The following KDM2A variants were observed in gnomAD, a reference collection of about 807,000 sequenced individuals.
KDM2A encodes the protein lysine demethylase 2A, also known as lysine-specific demethylase 2A.
Under a neutral mutation model 137.3 loss-of-function variants are expected in KDM2A, and 3 were observed. That is an observed-to-expected ratio of 0.02 (90% CI 0.01 to 0.06). KDM2A has a LOEUF of 0.06. Among genes scored for constraint, KDM2A ranks in the 10% least tolerant of loss-of-function variants. The pLI is 1.00. For synonymous variants in KDM2A, 512 were observed against 541.5 expected (o/e 0.95, Z 0.76); for missense variants, 738 against 1,510.6 (o/e 0.49, Z 8.48).
chr11:67,176,467 C>G (rs1565389842), intron 2 of KDM2A, among the ~76,000 whole-genome samples: 1 of 152,156 alleles, frequency 6.6e-6, no homozygotes, highest in African/African-American at 2.4e-5. Flanking sequence ...CATCCAGTTT[C>G]CTGTTGGGTA....
intron 2 of KDM2A, among the ~76,000 whole-genome samples, chr11:67,132,530 G>A (rs1282977365): frequency 2.0e-5 from 3 of 152,094 alleles, no homozygotes; most frequent in African/African-American, 2.4e-5. Context: ...CAAATGATCC[G>A]CCTGCCTCGG....
At position 67,250,835 on chromosome 11, in the gene KDM2A, T is replaced by G; in HGVS notation, c.2768+37T>G. 1 of 1,453,582 alleles carries G rather than the reference T, an allele frequency of 6.9e-7. No homozygotes were observed. Among genetic ancestry groups the G allele is most frequent in the Non-Finnish European group, 9.3e-7 (1 of 1,076,836 alleles). 90.0% of individuals were successfully genotyped at this position (1,453,582 alleles called of 1,614,324 possible). On this transcript the variant is annotated intron_variant, in intron 17 of 20. Transcript: ENST00000529006. This position sits in a 1 kb window ranked among gnomAD's most constrained non-coding sequence, Gnocchi z 7.1. ...TTCAGGGGGTCAGGAATTAGGGGTA[T>G]GGGAGTAGGTGGCAGGTTTTCCATA...
At chr11:67,198,362 T>C (rs1485816654) in intron 5 of KDM2A, among the ~76,000 whole-genome samples, 3 of 152,062 alleles carry the variant, frequency 2.0e-5, no homozygotes, top group African/African-American at 7.2e-5. Context: ...CAAACCTTCA[T>C]TGAGCAAGTC....
chr11:67,142,034 C>G (rs1856116579), intron 2 of KDM2A, among the ~76,000 whole-genome samples: 1 of 151,910 alleles, frequency 6.6e-6, no homozygotes, highest in East Asian at 1.9e-4. Context: ...GTATTTCTTT[C>G]ATTCATTCAT....
At chr11:67,153,732 T>G (rs1856449967) in intron 2 of KDM2A, among the ~76,000 whole-genome samples, 1 of 151,846 alleles carries the variant, frequency 6.6e-6, no homozygotes, top group Non-Finnish European at 1.5e-5. Context: ...GGAGGATTGC[T>G]TGAGCCCAGG....
chr11:67,242,259 A>G (rs1371748933), intron 12 of KDM2A, among the ~76,000 whole-genome samples: 1 of 142,312 alleles, frequency 7.0e-6, no homozygotes, highest in African/African-American at 2.6e-5. Flanking sequence ...GGCAAATAGC[A>G]GACTCTGTGG....
chr11:67,152,236 C>G (rs1255188532), intron 2 of KDM2A, among the ~76,000 whole-genome samples: 2 of 151,702 alleles, frequency 1.3e-5, no homozygotes, highest in Non-Finnish European at 2.9e-5. Flanking sequence ...TCACTTGAGC[C>G]CAGGAGGCGG....
At chr11:67,173,558 G>A (rs1590748021) in intron 2 of KDM2A, among the ~76,000 whole-genome samples, 1 of 151,790 alleles carries the variant, frequency 6.6e-6, no homozygotes, top group Non-Finnish European at 1.5e-5. Context: ...TGCCCAGCCA[G>A]TTTTTGTATT....
Position 67,255,116 on chromosome 11 carries a change from G to A in KDM2A, c.*61G>A. The stretch of plus-strand genomic sequence containing the variant: ...TTCCCCTGACTCCCCACCGAGGAGA[G>A]CCTCTCCTCGACCCTGCACGGGCTC... On this transcript the variant is annotated 3_prime_UTR_variant, in exon 21 of 21. Transcript: ENST00000529006. 1 of 1,479,196 alleles carries A rather than the reference G, an allele frequency of 6.8e-7. No individual in the cohort carries two copies. The highest frequency in any genetic ancestry group is 9.2e-7 in the Non-Finnish European group (1 of 1,087,950). 91.6% of individuals were successfully genotyped at this position (1,479,196 alleles called of 1,614,324 possible).
At position 67,245,130 on chromosome 11, in the gene KDM2A, T is replaced by C; in HGVS notation, c.1564-59T>C. On this transcript the variant is annotated intron_variant, in intron 13 of 20. Transcript: ENST00000529006. This position sits in a 1 kb window ranked among gnomAD's most constrained non-coding sequence, Gnocchi z 4.1. ...CTAGGTATGCTACCATGTAATCTTC[T>C]ACCCTATCCAGTCTTAAAGCAACCT... 6.3e-7 allele frequency: 1 copy of C among 1,576,416 alleles called. No individual in the cohort carries two copies. Among genetic ancestry groups the C allele is most frequent in the East Asian group, 2.2e-5 (1 of 44,510 alleles).
intron 2 of KDM2A, among the ~76,000 whole-genome samples, chr11:67,158,991 C>CT (rs1324872219): frequency 6.6e-6 from 1 of 152,100 alleles, no homozygotes; most frequent in Admixed American, 6.5e-5. Flanking sequence ...TTGACAGTGT[C>CT]TTTCACAGAG....
chr11:67,182,037 T>C (rs1857102272), intron 5 of KDM2A, 145 bp downstream of exon 5: 1 of 722,136 alleles, frequency 1.4e-6, no homozygotes, highest in African/African-American at 1.8e-5. Flanking sequence ...AACTGAGAAT[T>C]TTATCAAAGA....
intron 11 of KDM2A, 70 bp downstream of exon 11, chr11:67,228,233 T>C: frequency 6.7e-7 from 1 of 1,503,218 alleles, no homozygotes; most frequent in Non-Finnish European, 9.1e-7. Context: ...AAATACTCAG[T>C]AGGCTGTCAC....
At chr11:67,213,648 A>G (rs1236605302) in intron 6 of KDM2A, among the ~76,000 whole-genome samples, 1 of 151,010 alleles carries the variant, frequency 6.6e-6, no homozygotes, top group African/African-American at 2.4e-5. Context: ...AATCCCAGCT[A>G]CTCAAGAGGC....
chr11:67,251,361 GT>G (rs1419132122), intron 17 of KDM2A, among the ~76,000 whole-genome samples: 1 of 152,176 alleles, frequency 6.6e-6, no homozygotes, highest in African/African-American at 2.4e-5. Context: ...GCAGAGTCCA[GT>G]TTTGAAGCTT....
Position 67,250,691 on chromosome 11 carries a change from T to C in KDM2A, c.2661T>C (p.Asp887=). 6.3e-7 allele frequency: 1 copy of C among 1,597,614 alleles called. No individual in the cohort carries two copies. The highest frequency in any genetic ancestry group is 8.5e-7 in the Non-Finnish European group (1 of 1,170,516). ...RLNGRGSWAQ[D]GDESWMQREV... ...ATGGCCGGGGCAGTTGGGCTCAGGA[T>C]GGAGACGAAAGCTGGATGCAGCGGG... Residue 887 remains aspartate (D), a synonymous_variant, in exon 17 of 21, where the codon GAT becomes GAC. Coordinates refer to ENST00000529006, the MANE Select transcript of KDM2A (RefSeq NM_012308.3). This position sits in a 1 kb window ranked among gnomAD's most constrained non-coding sequence, Gnocchi z 7.1.
At chr11:67,211,104 T>C (rs1857963556) in intron 6 of KDM2A, among the ~76,000 whole-genome samples, 1 of 152,092 alleles carries the variant, frequency 6.6e-6, no homozygotes, top group South Asian at 2.1e-4. Flanking sequence ...GTTATTTTTG[T>C]TGTTGCTGTT....
intron 10 of KDM2A, among the ~76,000 whole-genome samples, chr11:67,225,694 C>G (rs1858520695): frequency 6.6e-6 from 1 of 151,616 alleles, no homozygotes; most frequent in African/African-American, 2.4e-5. Flanking sequence ...CGCTTGAACT[C>G]AGAGGCACAG....
At position 67,252,842 on chromosome 11, in the gene KDM2A, G is replaced by A. The variant is rs761830912; in HGVS notation, c.2917G>A (p.Val973Ile). 6.2e-5 allele frequency: 100 copies of A among 1,603,886 alleles called. 1 individual carries two copies. Among genetic ancestry groups the A allele is most frequent in the East Asian group, 6.8e-5 (3 of 44,338 alleles). Residue 973 changes from valine (V) to isoleucine (I), a missense_variant, in exon 18 of 21, where the codon GTC becomes ATC. By Grantham distance (29) the Val-to-Ile change is conservative. Coordinates refer to ENST00000529006, the MANE Select transcript of KDM2A (RefSeq NM_012308.3). The stretch of plus-strand genomic sequence containing the variant: ...CTCTAAAAAGCAACTGACATGGCTC[G>A]TCAATAGGCTGCCAGGTAAGTGAGC... ...NISKKQLTWL[V>I]NRLPGLKDLL...
Sources: allele counts gnomAD v4.1 joint callset (sites outside exome capture counted in the v4.1 genomes callset), GRCh38; gene constraint gnomAD v4.1.1; non-coding constraint Gnocchi (gnomAD v3.1); transcripts MANE v1.5; gene names NCBI Gene and HGNC (gene_info 2026-07-23, HGNC 2026-07-21).